The following ALDH1A3 variants were observed in gnomAD, a reference collection of about 807,000 sequenced individuals.
The protein encoded by ALDH1A3 is aldehyde dehydrogenase 1 family member A3.
A neutral mutation model predicts 57.5 loss-of-function variants in ALDH1A3; 28 were observed. The observed-to-expected ratio is 0.49, with a 90% CI of 0.36 to 0.67. ALDH1A3 has a LOEUF of 0.67. Among genes scored for constraint, ALDH1A3 ranks in the 30% least tolerant of loss-of-function variants. The pLI, the probability that ALDH1A3 is intolerant of heterozygous loss-of-function variation, is 0.00. For synonymous variants in ALDH1A3, 281 were observed against 264.8 expected, an observed-to-expected ratio of 1.06 and a Z score of -0.59; for missense variants, 507 against 669.4, an observed-to-expected ratio of 0.76 and a Z score of 2.68.
intron 10 of ALDH1A3, 34 bp from the exon 11 acceptor site, chr15:100,907,087 T>C (rs2041829678): frequency 6.2e-7 from 1 of 1,606,448 alleles, no homozygotes; most frequent in African/African-American, 1.3e-5. Context: ...CATTCAGTCA[T>C]GCCTCTCATT....
At chr15:100,911,399 A>T (rs2041882683) in intron 12 of ALDH1A3, among the ~76,000 whole-genome samples, 1 of 152,202 alleles carries the variant, frequency 6.6e-6, no homozygotes, top group Non-Finnish European at 1.5e-5. Flanking sequence ...TAAAAATGAT[A>T]TAGTAACCAA....
Position 100,907,274 on chromosome 15 carries a change from G to A in ALDH1A3, c.1387G>A (p.Val463Ile), listed in dbSNP as rs2041831554. ...GGCTTCTGCCTTAGAGTCTGGAACG[G>A]TCTGGTGAGTTGACTGTGTGTGTAT... is the stretch of plus-strand genomic sequence containing the variant. The part of the protein sequence containing the change: ...KLASALESGT[V>I]WINCYNALYA... The change falls in exon 11 of 13, where the codon GTC (valine) becomes ATC (isoleucine). Residue 463 changes from valine to isoleucine, a missense_variant. This residue lies in a region of ALDH1A3 where 432 missense variants were observed against 608.4 expected (regional missense o/e 0.71). Transcript: ENST00000329841. 6.2e-7 allele frequency: 1 copy of A among 1,613,728 alleles called. No homozygotes were observed. Among genetic ancestry groups the A allele is most frequent in the Non-Finnish European group, 8.5e-7 (1 of 1,179,894 alleles).
chr15:100,880,425 G>C (rs1004399677), intron 1 of ALDH1A3: 1 of 365,592 alleles, frequency 2.7e-6, no homozygotes, highest in Non-Finnish European at 4.9e-6. Context: ...CTGGCTTTGA[G>C]AGGGTCGGAG....
In ALDH1A3 at chr15:100,879,850, G is replaced by A. The variant is rs1165671230; in HGVS notation, c.-58G>A. On this transcript the variant is annotated 5_prime_UTR_variant, in exon 1 of 13. Coordinates refer to ENST00000329841, the MANE Select transcript of ALDH1A3 (RefSeq NM_000693.4). ...CCCGGGAGCGGGCTGCGCAGTGTCC[G>A]GGCCGAGCCGGTGCGCCGCAGACTA... 28 of 1,258,548 alleles carry A rather than the reference G, an allele frequency of 2.2e-5. No individual in the cohort carries two copies. The highest frequency in any genetic ancestry group is 2.8e-5 in the Non-Finnish European group (27 of 980,674). 78.0% of individuals were successfully genotyped at this position (1,258,548 alleles called of 1,614,324 possible).
chr15:100,900,536 C>T, intron 8 of ALDH1A3, 39 bp from the exon 9 acceptor site: 2 of 1,542,104 alleles, frequency 1.3e-6, no homozygotes, highest in Non-Finnish European at 1.8e-6. Context: ...TAATCGCTTC[C>T]TCTCGCTCTG....
intron 12 of ALDH1A3, among the ~76,000 whole-genome samples, chr15:100,911,150 C>G (rs1434476565): frequency 2.0e-5 from 3 of 152,268 alleles, no homozygotes; most frequent in Non-Finnish European, 4.4e-5. Context: ...CTAGAAACTG[C>G]CTGGAAAACC....
intron 1 of ALDH1A3, chr15:100,881,414 G>C (rs567288714): frequency 6.6e-6 from 1 of 152,286 alleles, no homozygotes; most frequent in Admixed American, 6.5e-5. Flanking sequence ...GCTACTGATG[G>C]TTAAGTGGGG....
At chr15:100,898,708 G>A (rs567375976) in intron 8 of ALDH1A3, among the ~76,000 whole-genome samples, 23 of 152,292 alleles carry the variant, frequency 1.5e-4, no homozygotes, top group Non-Finnish European at 2.4e-4. Context: ...CAAATTACCC[G>A]CTTTGCCTGG....
rs186480745 is a variant in ALDH1A3 at position 100,896,413 on chromosome 15, A to G, written c.780+367A>G. ...ATATGCAAAGTGCTCCTACAAGTCA[A>G]TGAAAAAAAAAAACCAAACTGAATG... On this transcript the variant is annotated intron_variant, in intron 7 of 12. Transcript: ENST00000329841. 1.3e-4 allele frequency among the ~76,000 whole-genome samples: 20 copies of G among 151,624 alleles called. No individual in the cohort carries two copies. The East Asian group carries it at 3.7e-3, about 28-fold the overall frequency.
rs575483102 is a variant in ALDH1A3 at position 100,900,613 on chromosome 15, T to G, written c.922T>G (p.Phe308Val). The G allele has an allele frequency of 6.2e-7, 1 of 1,605,970 alleles. No homozygotes were observed. The highest frequency in any genetic ancestry group is 1.1e-5 in the South Asian group (1 of 89,574). Residue 308 changes from phenylalanine (F) to valine (V), a missense_variant, in exon 9 of 13, where the codon TTC (phenylalanine) becomes GTC (valine). Around this residue, in one of 2 missense-constraint regions of ALDH1A3, gnomAD observed 432 missense variants for 608.4 expected, o/e 0.71. Transcript: ENST00000329841. ...AVECAHQGVF[F>V]NQGQCCTAAS... ...GGAGTGTGCCCATCAGGGAGTGTTC[T>G]TCAACCAAGGCCAGTGTTGCACGGC...
In ALDH1A3 at chr15:100,916,010, G is replaced by A. The variant is rs927348351; in HGVS notation, c.*1237G>A. 1.3e-5 allele frequency: 2 copies of A among 152,160 alleles called. No homozygotes were observed. The highest frequency in any genetic ancestry group is 2.4e-5 in the African/African-American group (1 of 41,428). 9.4% of individuals were successfully genotyped at this position (152,160 alleles called of 1,614,324 possible). A position where few individuals can be genotyped will look rare whatever the true frequency, so the allele number is the denominator to read the frequency against. On this transcript the variant is annotated 3_prime_UTR_variant, in exon 13 of 13. Coordinates refer to ENST00000329841, the MANE Select transcript of ALDH1A3 (RefSeq NM_000693.4). ...AAAAACAAAAACAAATGTGTTATCC[G>A]ACGGATACTTTTATGGTTACTAACT...
rs550498128 is a variant in ALDH1A3 at position 100,907,815 on chromosome 15, C to A, written c.1391+537C>A. Among the ~76,000 whole-genome samples the A allele has an allele frequency of 6.6e-5, 10 of 150,596 alleles. No individual in the cohort carries two copies. In the South Asian group the frequency reaches 1.9e-3, roughly 29 times the overall value. On this transcript the variant is annotated intron_variant, in intron 11 of 12. Coordinates refer to ENST00000329841, the MANE Select transcript of ALDH1A3 (RefSeq NM_000693.4). ...CAAAGCTAATTCTTATTCCTCTACA[C>A]CCTGATTTTTCTTTTTCTTTCTTTC...
At chr15:100,910,796 C>T (rs3803427) in intron 12 of ALDH1A3, among the ~76,000 whole-genome samples, 4 of 151,976 alleles carry the variant, frequency 2.6e-5, no homozygotes, top group Admixed American at 6.5e-5. Flanking sequence ...TCCTCCCAGA[C>T]GCCAGACACA....
At chr15:100,882,158 G>A (rs1336274969) in intron 1 of ALDH1A3, among the ~76,000 whole-genome samples, 1 of 152,328 alleles carries the variant, frequency 6.6e-6, no homozygotes, top group Non-Finnish European at 1.5e-5. Context: ...CGATAATGGG[G>A]CACACACCAG....
intron 1 of ALDH1A3, chr15:100,880,323 G>C (rs946750072): frequency 1.6e-5 from 6 of 372,276 alleles, no homozygotes; most frequent in Non-Finnish European, 2.9e-5. Context: ...TTGATCGCGA[G>C]TGGAGGTGCG....
In ALDH1A3 at chr15:100,896,050, A is replaced by G. The variant is rs769700072; in HGVS notation, c.780+4A>G. 1.2e-6 allele frequency: 2 copies of G among 1,603,370 alleles called. No individual in the cohort carries two copies. Among genetic ancestry groups the G allele is most frequent in the Admixed American group, 3.4e-5 (2 of 58,940 alleles). On this transcript the variant is annotated splice_donor_region_variant and intron_variant, in intron 7 of 12. Coordinates refer to ENST00000329841, the MANE Select transcript of ALDH1A3 (RefSeq NM_000693.4). ...CGCCTTCACCGGCTCCACAGAGGTAACCCTCCTCACAGGGTGCTGGGGAAA... is the reference window on the plus strand; with the variant it reads ...CGCCTTCACCGGCTCCACAGAGGTAGCCCTCCTCACAGGGTGCTGGGGAAA...
chr15:100,897,282 G>A lies in ALDH1A3; in HGVS notation c.781-801G>A, dbSNP rs112445883. On this transcript the variant is annotated intron_variant, in intron 7 of 12. Transcript: ENST00000329841. ...TCTCAGACCCGGAAGAGCCTGGGCCGCGCCTTGCTAGCTTCTGGCTCTAGG... is the reference window on the plus strand; with the variant it reads ...TCTCAGACCCGGAAGAGCCTGGGCCACGCCTTGCTAGCTTCTGGCTCTAGG... 7.8e-3 allele frequency among the ~76,000 whole-genome samples: 1,182 copies of A among 152,312 alleles called. 13 individuals carry two copies. The highest frequency in any genetic ancestry group is 0.027 in the African/African-American group (1,104 of 41,568).
In ALDH1A3 at chr15:100,893,144, C is replaced by A; in HGVS notation, c.537+138C>A. 1.4e-6 allele frequency: 1 copy of A among 737,354 alleles called. No individual in the cohort carries two copies. 45.7% of individuals were successfully genotyped at this position (737,354 alleles called of 1,614,324 possible). ...AGCATTTTCTTCGTGGCATGGAACT[C>A]CATGCTTGGGGGCTCTTGAGATGGA... On this transcript the variant is annotated intron_variant, in intron 5 of 12. Coordinates refer to ENST00000329841, the MANE Select transcript of ALDH1A3 (RefSeq NM_000693.4). The surrounding 1 kb of genome is among the most constrained non-coding windows in gnomAD (Gnocchi z 4.8).
intron 8 of ALDH1A3, among the ~76,000 whole-genome samples, chr15:100,899,282 T>G (rs2041742733): frequency 6.6e-6 from 1 of 152,148 alleles, no homozygotes; most frequent in African/African-American, 2.4e-5. Flanking sequence ...CACGGAGCAT[T>G]TCTGGCACTG....
Sources: gnomAD v4.1 joint callset for allele counts (sites outside exome capture counted in the v4.1 genomes callset) on GRCh38, gnomAD v4.1.1 for gene constraint, gnomAD v4.1.1 regional missense constraint, Gnocchi (gnomAD v3.1) non-coding constraint, MANE v1.5 for transcripts, NCBI Gene and HGNC (gene_info 2026-07-23, HGNC 2026-07-21) for gene names.